PCDH9: variants seen among roughly 807,000 people sequenced by gnomAD.
PCDH9 encodes protocadherin 9.
PCDH9 carries 24 observed loss-of-function variants against 70.6 expected under a neutral mutation model. The observed-to-expected ratio is 0.34, with a 90% CI of 0.25 to 0.48. PCDH9 has a LOEUF of 0.48. Ranked by LOEUF, PCDH9 falls within the 20% of genes least tolerant of loss-of-function variation. PCDH9 has a pLI of 0.99. For synonymous variants in PCDH9, 562 were observed against 558.5 expected (o/e 1.01, Z -0.09); for missense variants, 1,281 against 1,503.6 (o/e 0.85, Z 2.45).
At position 67,065,886 on chromosome 13, in the gene PCDH9, C is replaced by T. The variant is rs563970979; in HGVS notation, c.3036+159519G>A. On this transcript the variant is annotated intron_variant, in intron 2 of 4. Transcript: ENST00000377865. The stretch of plus-strand genomic sequence containing the variant: ...TGCTAATTAGAATATTTAGCAATCA[C>T]GGTGGGAAAGAAAAATCAGTACATG... Among the ~76,000 whole-genome samples, 12 of 151,854 alleles carry T rather than the reference C, an allele frequency of 7.9e-5. No individual in the cohort carries two copies. The South Asian group carries it at 2.5e-3, about 32-fold the overall frequency.
chr13:66,317,101 C>T (rs1287246503), intron 4 of PCDH9, among the ~76,000 whole-genome samples: 1 of 152,086 alleles, frequency 6.6e-6, no homozygotes, highest in Non-Finnish European at 1.5e-5. Flanking sequence ...ATCTCTCACA[C>T]TAGAATATAA....
chr13:66,810,263 A>G (rs2080480744), intron 3 of PCDH9, among the ~76,000 whole-genome samples: 1 of 152,090 alleles, frequency 6.6e-6, no homozygotes, highest in Non-Finnish European at 1.5e-5. Flanking sequence ...GTTAGTATAA[A>G]TACAGAATTT....
At chr13:66,564,935 T>G (rs1302127305) in intron 4 of PCDH9, among the ~76,000 whole-genome samples, 2 of 152,048 alleles carry the variant, frequency 1.3e-5, no homozygotes, top group Admixed American at 1.3e-4. Flanking sequence ...GTTATACTCA[T>G]GCACATGGAT....
intron 2 of PCDH9, among the ~76,000 whole-genome samples, chr13:67,015,808 C>A (rs1485647916): frequency 3.3e-5 from 5 of 152,118 alleles, no homozygotes; most frequent in Admixed American, 6.6e-5. Flanking sequence ...ATCTCTCATT[C>A]ATCTATGTTC....
intron 3 of PCDH9, among the ~76,000 whole-genome samples, chr13:66,872,813 T>C (rs1480575315): frequency 2.0e-5 from 3 of 152,152 alleles, no homozygotes; most frequent in East Asian, 3.8e-4. Flanking sequence ...CCTCTAGTTA[T>C]ATACATACTC....
At chr13:66,620,455 A>C (rs2077407954) in intron 4 of PCDH9, among the ~76,000 whole-genome samples, 1 of 152,188 alleles carries the variant, frequency 6.6e-6, no homozygotes, top group African/African-American at 2.4e-5. Context: ...TTATAGGACA[A>C]AGAAGGCTAC....
chr13:67,045,688 T>C (rs2085209817), intron 2 of PCDH9, among the ~76,000 whole-genome samples: 1 of 152,186 alleles, frequency 6.6e-6, no homozygotes, highest in Non-Finnish European at 1.5e-5. Flanking sequence ...TGTCACAGTT[T>C]ATCATCAATA....
In PCDH9 at chr13:67,226,538, T is replaced by C. The variant is rs758060018; in HGVS notation, c.1903A>G (p.Arg635Gly). The change falls in exon 2 of 5, where the codon AGA (arginine) becomes GGA (glycine). Residue 635 changes from arginine (R) to glycine (G), a missense_variant. By Grantham distance (125) the Arg-to-Gly change is moderately radical. Transcript: ENST00000377865. This position sits in a 1 kb window ranked among gnomAD's most constrained non-coding sequence, Gnocchi z 5.0. ...AAAGTGTAGGAACTCTGCTGCTCTC[T>C]ATCAAATGAGACATTTGACTTTATG... ...GVIKSNVSFD[R>G]EQQSSYTFDV... 2.5e-6 allele frequency: 4 copies of C among 1,613,616 alleles called. No individual in the cohort carries two copies. In the East Asian group the frequency reaches 8.9e-5, roughly 36 times the overall value.
intron 2 of PCDH9, among the ~76,000 whole-genome samples, chr13:67,081,093 T>C (rs1190016141): frequency 6.6e-6 from 1 of 152,192 alleles, no homozygotes; most frequent in African/African-American, 2.4e-5. Context: ...AAAAAAGATA[T>C]CCATATGTAT....
chr13:66,983,553 G>T (rs1445660805), intron 2 of PCDH9, among the ~76,000 whole-genome samples: 1 of 152,198 alleles, frequency 6.6e-6, no homozygotes, highest in Non-Finnish European at 1.5e-5. Flanking sequence ...ATTGGGAACT[G>T]ATTATGTTCT....
In PCDH9 at chr13:67,226,221, T is replaced by G. The variant is rs779651140; in HGVS notation, c.2220A>C (p.Lys740Asn). ...GCAATCCCACATCAGTAGGTGCTGG[T>G]TTTTCTTCCAGAGTAATGTTACCTG... The part of the protein sequence containing the change: ...PVTGNITLEE[K>N]PAPTDVGLHR... Residue 740 changes from lysine to asparagine, a missense_variant, in exon 2 of 5, where the codon AAA becomes AAC. Around this residue, in one of 4 missense-constraint regions of PCDH9, gnomAD observed 798 missense variants for 1,003.1 expected, o/e 0.80. Coordinates refer to ENST00000377865, the MANE Select transcript of PCDH9 (RefSeq NM_203487.3). This position sits in a 1 kb window ranked among gnomAD's most constrained non-coding sequence, Gnocchi z 5.0. 2 of 1,614,070 alleles carry G rather than the reference T, an allele frequency of 1.2e-6. No homozygotes were observed. The highest frequency in any genetic ancestry group is 1.7e-6 in the Non-Finnish European group (2 of 1,180,000).
At chr13:66,820,352 A>G (rs2080688880) in intron 3 of PCDH9, among the ~76,000 whole-genome samples, 1 of 152,206 alleles carries the variant, frequency 6.6e-6, no homozygotes, top group Admixed American at 6.5e-5. Flanking sequence ...TCTTCTGTTT[A>G]ACTTATTGAG....
intron 3 of PCDH9, among the ~76,000 whole-genome samples, chr13:66,682,729 T>C (rs9529117): frequency 0.2 from 30,773 of 152,196 alleles, 3,354 homozygotes; most frequent in Middle Eastern, 0.31. Context: ...CATGTCAGTT[T>C]CCAAATGAAA....
intron 2 of PCDH9, among the ~76,000 whole-genome samples, chr13:67,047,437 C>G (rs1482400030): frequency 6.6e-6 from 1 of 152,180 alleles, no homozygotes; most frequent in Non-Finnish European, 1.5e-5. Flanking sequence ...TCACACAACA[C>G]TTTAAAGGTT....
At chr13:67,064,943 A>G (rs1436509326) in intron 2 of PCDH9, among the ~76,000 whole-genome samples, 2 of 149,306 alleles carry the variant, frequency 1.3e-5, no homozygotes, top group Non-Finnish European at 3.0e-5. Flanking sequence ...TAGATAGCAG[A>G]GAGGTAGACA....
chr13:66,536,054 ATCTGCTCC>A (rs1311206998), intron 4 of PCDH9, among the ~76,000 whole-genome samples: 1 of 152,090 alleles, frequency 6.6e-6, no homozygotes, highest in East Asian at 1.9e-4. Flanking sequence ...TCACACGTGT[ATCTGCTCC>A]TCTGCTCCTC....
chr13:66,769,003 C>G lies in PCDH9; in HGVS notation c.3138+134501G>C, dbSNP rs1397104951. Reference sequence around the variant, plus strand: ...GGGATTTAATGAGAAAAATGTTAAACTTAAAATATACAAGGTATGCATCAT... The same window carrying G: ...GGGATTTAATGAGAAAAATGTTAAAGTTAAAATATACAAGGTATGCATCAT... On this transcript the variant is annotated intron_variant, in intron 3 of 4. Transcript: ENST00000377865. 2.0e-5 allele frequency among the ~76,000 whole-genome samples: 3 copies of G among 151,980 alleles called. No homozygotes were observed. In the East Asian group the frequency reaches 5.8e-4, roughly 29 times the overall value.
At chr13:67,112,536 A>G (rs1390672518) in intron 2 of PCDH9, among the ~76,000 whole-genome samples, 1 of 152,116 alleles carries the variant, frequency 6.6e-6, no homozygotes, top group African/African-American at 2.4e-5. Context: ...CATATTAACT[A>G]ATTAAGGTGC....
intron 2 of PCDH9, among the ~76,000 whole-genome samples, chr13:67,100,887 T>C (rs1164118838): frequency 6.6e-6 from 1 of 152,082 alleles, no homozygotes; most frequent in Non-Finnish European, 1.5e-5. Context: ...GTGCAGAGAA[T>C]AAAAACTGCT....
Sources: allele counts gnomAD v4.1 joint callset (sites outside exome capture counted in the v4.1 genomes callset), GRCh38; gene constraint gnomAD v4.1.1; regional missense constraint gnomAD v4.1.1; non-coding constraint Gnocchi (gnomAD v3.1); transcripts MANE v1.5; gene names NCBI Gene and HGNC (gene_info 2026-07-23, HGNC 2026-07-21).